Variants in MAPK10 observed in about 807,000 individuals in gnomAD.
The protein encoded by MAPK10 is mitogen-activated protein kinase 10, also known as JNK3 alpha protein kinase.
Under a neutral mutation model 59.3 loss-of-function variants are expected in MAPK10, and 25 were observed. That is an observed-to-expected ratio of 0.42 (90% CI 0.31 to 0.59). The LOEUF is 0.59. MAPK10 is among the 20% of genes least tolerant of loss of function. MAPK10 has a pLI of 0.15. For synonymous variants in MAPK10, 190 were observed against 200.5 expected (o/e 0.95, Z 0.44); for missense variants, 351 against 568.9 (o/e 0.62, Z 3.90).
intron 2 of MAPK10, among the ~76,000 whole-genome samples, chr4:86,287,571 AAG>A (rs1475722502): frequency 6.6e-6 from 1 of 152,188 alleles, no homozygotes; most frequent in Non-Finnish European, 1.5e-5. Flanking sequence ...TAAAAATCTC[AAG>A]AGAGTTGTGA....
intron 1 of MAPK10, among the ~76,000 whole-genome samples, chr4:86,394,494 G>A (rs1742656687): frequency 6.6e-6 from 1 of 151,866 alleles, no homozygotes; most frequent in African/African-American, 2.4e-5. Context: ...ATTAATTTTT[G>A]TTAGCTCCAA....
upstream of MAPK10, among the ~76,000 whole-genome samples, chr4:86,457,481 T>C (rs1291276598): frequency 1.3e-5 from 2 of 152,170 alleles, no homozygotes; most frequent in African/African-American, 2.4e-5. Context: ...AAAATCAACA[T>C]ACACAAATCA....
chr4:86,293,166 TA>T (rs1424790252), intron 2 of MAPK10, among the ~76,000 whole-genome samples: 1 of 152,214 alleles, frequency 6.6e-6, no homozygotes, highest in Non-Finnish European at 1.5e-5. Context: ...GATGTATTTG[TA>T]TAAAAAAATT....
At chr4:86,207,573 A>G (rs1290773722) in intron 2 of MAPK10, among the ~76,000 whole-genome samples, 3 of 152,010 alleles carry the variant, frequency 2.0e-5, no homozygotes, top group East Asian at 1.9e-4. Flanking sequence ...GTTTTTTCCA[A>G]TTCTCTGAAG....
At chr4:86,070,253 A>G (rs1053334592) in intron 9 of MAPK10, among the ~76,000 whole-genome samples, 11 of 152,170 alleles carry the variant, frequency 7.2e-5, no homozygotes, top group Non-Finnish European at 1.0e-4. Context: ...ATGTGTGTGT[A>G]TATCTACATA....
chr4:86,448,321 G>C (rs1467344746), intron 1 of MAPK10, among the ~76,000 whole-genome samples: 2 of 151,410 alleles, frequency 1.3e-5, no homozygotes, highest in Non-Finnish European at 2.9e-5. Flanking sequence ...TTTTTTGTCA[G>C]AATTTTCTAG....
Position 86,072,326 on chromosome 4 carries a change from T to C in MAPK10, c.803-4371A>G, listed in dbSNP as rs566756568. On this transcript the variant is annotated intron_variant, in intron 9 of 13. Coordinates refer to ENST00000641462, the MANE Select transcript of MAPK10 (RefSeq NM_138982.4). ...ATGGGGTTTTCTAGATATACAATCA[T>C]GTCGTCTCCAAACAGGGACAATTTG... Among the ~76,000 whole-genome samples the C allele has an allele frequency of 2.4e-4, 36 of 152,256 alleles. No individual in the cohort carries two copies. In the South Asian group the frequency reaches 7.5e-3, roughly 32 times the overall value.
chr4:86,097,223 C>G (rs2054400578), intron 9 of MAPK10, among the ~76,000 whole-genome samples: 1 of 151,780 alleles, frequency 6.6e-6, no homozygotes, highest in Admixed American at 6.6e-5. Context: ...GCTGAATAAC[C>G]ACATGTGGCT....
intron 2 of MAPK10, among the ~76,000 whole-genome samples, chr4:86,349,402 G>A (rs577501630): frequency 6.6e-6 from 1 of 151,740 alleles, no homozygotes; most frequent in African/African-American, 2.4e-5. Flanking sequence ...TCTTTCTTTT[G>A]TCAATCATTC....
At chr4:86,516,800 AG>A (rs1169967691) in intron 1 of MAPK10, among the ~76,000 whole-genome samples, 1 of 152,238 alleles carries the variant, frequency 6.6e-6, no homozygotes, top group Non-Finnish European at 1.5e-5. Flanking sequence ...TACCAGATCC[AG>A]GAGCTTTTTG....
At chr4:86,179,737 T>C (rs1222208114) in intron 3 of MAPK10, among the ~76,000 whole-genome samples, 2 of 151,974 alleles carry the variant, frequency 1.3e-5, no homozygotes, top group Non-Finnish European at 2.9e-5. Context: ...ACCAAGAACA[T>C]ACATTGGGGA....
At chr4:86,257,623 TCA>T (rs2093804203) in intron 2 of MAPK10, among the ~76,000 whole-genome samples, 1 of 152,216 alleles carries the variant, frequency 6.6e-6, no homozygotes, top group East Asian at 1.9e-4. Flanking sequence ...TAATCTTGCC[TCA>T]CACTCTTTGT....
chr4:86,076,261 G>A (rs1348164077), intron 9 of MAPK10, among the ~76,000 whole-genome samples: 2 of 152,062 alleles, frequency 1.3e-5, no homozygotes. Context: ...CTCGCGCACG[G>A]TGCGCGCACC....
At chr4:86,317,434 A>G (rs866062769) in intron 2 of MAPK10, among the ~76,000 whole-genome samples, 1 of 152,126 alleles carries the variant, frequency 6.6e-6, no homozygotes, top group African/African-American at 2.4e-5. Flanking sequence ...ATTTCTTTGA[A>G]GCTCACAATG....
At chr4:86,048,958 C>T (rs2043013319) in intron 11 of MAPK10, among the ~76,000 whole-genome samples, 1 of 151,948 alleles carries the variant, frequency 6.6e-6, no homozygotes, top group Non-Finnish European at 1.5e-5. Flanking sequence ...TGAAGTCTTT[C>T]AATCAAGCAT....
At chr4:86,066,805 A>G (rs554275532) in intron 10 of MAPK10, among the ~76,000 whole-genome samples, 1 of 151,506 alleles carries the variant, frequency 6.6e-6, no homozygotes, top group East Asian at 1.9e-4. Context: ...TGGATTCTTC[A>G]TGAATAGGGT....
At chr4:86,355,551 A>G (rs556651882) in intron 1 of MAPK10, among the ~76,000 whole-genome samples, 2 of 152,158 alleles carry the variant, frequency 1.3e-5, no homozygotes, top group Non-Finnish European at 2.9e-5. Flanking sequence ...CCAAATGAGT[A>G]TAGGTTCCAA....
intron 11 of MAPK10, among the ~76,000 whole-genome samples, chr4:86,055,604 C>A (rs2044398575): frequency 2.0e-5 from 3 of 149,852 alleles, no homozygotes. Flanking sequence ...AATAAACTAG[C>A]AGTAAAATCC....
chr4:86,364,552 T>G (rs1056472123), upstream of MAPK10, among the ~76,000 whole-genome samples: 1 of 152,066 alleles, frequency 6.6e-6, no homozygotes, highest in Non-Finnish European at 1.5e-5. Context: ...TTCAATTATA[T>G]TTATGTTATT....
Sources: gnomAD v4.1 joint callset for allele counts (sites outside exome capture counted in the v4.1 genomes callset) on GRCh38, gnomAD v4.1.1 for gene constraint, MANE v1.5 for transcripts, NCBI Gene and HGNC (gene_info 2026-07-23, HGNC 2026-07-21) for gene names.